Variants in CNTNAP5 observed in about 807,000 individuals in gnomAD.
CNTNAP5 encodes the protein contactin-associated protein-like 5.
Under a neutral mutation model 150.2 loss-of-function variants are expected in CNTNAP5, and 72 were observed. The ratio of observed to expected loss-of-function variants is 0.48; its 90% confidence interval spans 0.40 to 0.58. The LOEUF (loss-of-function observed/expected upper bound fraction) is 0.58, where lower values mean the gene tolerates loss of function less well. Ranked by LOEUF, CNTNAP5 falls within the 20% of genes least tolerant of loss-of-function variation. The pLI is 0.00. For synonymous variants in CNTNAP5, 672 were observed against 619.8 expected (o/e 1.08, Z -1.25); for missense variants, 1,636 against 1,626.2 (o/e 1.01, Z -0.10).
intron 5 of CNTNAP5, among the ~76,000 whole-genome samples, chr2:124,443,720 T>G (rs1692733125): frequency 6.6e-6 from 1 of 152,006 alleles, no homozygotes; most frequent in South Asian, 2.1e-4. Flanking sequence ...ATCATTGTTA[T>G]TATTGGCTCT....
chr2:124,823,816 G>A (rs1682537507), intron 19 of CNTNAP5, among the ~76,000 whole-genome samples: 4 of 152,144 alleles, frequency 2.6e-5, no homozygotes, highest in Admixed American at 2.6e-4. Context: ...CTGCTGCCAA[G>A]TAGGTATCTG....
intron 19 of CNTNAP5, among the ~76,000 whole-genome samples, chr2:124,835,961 C>T (rs1300804074): frequency 6.6e-6 from 1 of 152,000 alleles, no homozygotes; most frequent in East Asian, 1.9e-4. Flanking sequence ...ATTGCCTGTT[C>T]CAGTCTTTTA....
intron 3 of CNTNAP5, among the ~76,000 whole-genome samples, chr2:124,281,101 A>G (rs55827125): frequency 6.6e-6 from 1 of 152,146 alleles, no homozygotes; most frequent in Non-Finnish European, 1.5e-5. Flanking sequence ...GTAACACTCC[A>G]GCAATGAGGG....
chr2:124,215,191 T>G (rs1208320891), intron 1 of CNTNAP5, among the ~76,000 whole-genome samples: 2 of 152,132 alleles, frequency 1.3e-5, no homozygotes, highest in Admixed American at 6.6e-5. Context: ...TAAGAGGAAT[T>G]TTATCTCACC....
chr2:124,079,072 T>C (rs1279426007), intron 1 of CNTNAP5, among the ~76,000 whole-genome samples: 1 of 152,182 alleles, frequency 6.6e-6, no homozygotes, highest in African/African-American at 2.4e-5. Flanking sequence ...GAAACAGGAC[T>C]GTCAGGGTGA....
At chr2:124,528,141 A>T (rs1331903686) in intron 10 of CNTNAP5, among the ~76,000 whole-genome samples, 2 of 152,142 alleles carry the variant, frequency 1.3e-5, no homozygotes, top group Non-Finnish European at 2.9e-5. Flanking sequence ...TCATTCTTCC[A>T]GTTCTGCTCA....
chr2:124,713,307 T>TC (rs1558746868), intron 13 of CNTNAP5, among the ~76,000 whole-genome samples: 72 of 95,804 alleles, frequency 7.5e-4, no homozygotes, highest in Admixed American at 1.5e-3. Context: ...CTTTCTTCTT[T>TC]CTCTTTCTTT....
rs1573405334 is a variant in CNTNAP5 at position 124,484,729 on chromosome 2, A to AACAC, written c.1062+9847_1062+9848insACAC. 5.9e-5 allele frequency among the ~76,000 whole-genome samples: 9 copies of AACAC among 152,290 alleles called. No homozygotes were observed. The East Asian group carries it at 1.7e-3, about 29-fold the overall frequency. On this transcript the variant is annotated intron_variant, in intron 7 of 23. Transcript: ENST00000682447. ...AGAAGTACAACACTAAAGGTTATAG[A>AACAC]TCAGTGATTATTAGTATTTTATAGG...
intron 8 of CNTNAP5, among the ~76,000 whole-genome samples, chr2:124,510,301 C>CTATATATATATATCTATATCTA (rs368230554): frequency 1.9e-5 from 2 of 106,056 alleles, no homozygotes; most frequent in African/African-American, 7.6e-5. Flanking sequence ...ATCTATATAT[C>CTATATATATATATCTATATCTA]TATATATATA....
At chr2:124,086,105 C>G (rs934591083) in intron 1 of CNTNAP5, among the ~76,000 whole-genome samples, 1 of 151,630 alleles carries the variant, frequency 6.6e-6, no homozygotes, top group African/African-American at 2.4e-5. Flanking sequence ...GTCTATTTCT[C>G]CTTTCAGTTC....
chr2:124,869,375 C>T (rs952785637), intron 20 of CNTNAP5, among the ~76,000 whole-genome samples: 7 of 152,108 alleles, frequency 4.6e-5, no homozygotes, highest in Non-Finnish European at 1.0e-4. Context: ...TGCTTGTTTG[C>T]AGCAAAGAAT....
At chr2:124,041,242 C>CT (rs1385690847) in intron 1 of CNTNAP5, among the ~76,000 whole-genome samples, 1 of 152,210 alleles carries the variant, frequency 6.6e-6, no homozygotes, top group African/African-American at 2.4e-5. Flanking sequence ...TCTATGTCTT[C>CT]TGCATAAATA....
chr2:124,359,691 C>A (rs1245541654), intron 3 of CNTNAP5, among the ~76,000 whole-genome samples: 1 of 110,000 alleles, frequency 9.1e-6, no homozygotes, highest in African/African-American at 3.8e-5. Context: ...AATCTCTGTT[C>A]TTTTACATTT....
At chr2:124,616,561 G>A (rs2104991380) in intron 12 of CNTNAP5, among the ~76,000 whole-genome samples, 1 of 152,290 alleles carries the variant, frequency 6.6e-6, no homozygotes, top group Non-Finnish European at 1.5e-5. Context: ...TCATTCACAT[G>A]TTCACTGAAG....
intron 1 of CNTNAP5, 63 bp downstream of exon 1, chr2:124,025,795 T>A: frequency 7.7e-7 from 1 of 1,298,470 alleles, no homozygotes; most frequent in South Asian, 1.2e-5. Context: ...AGAAAGACAA[T>A]CAACTATCTA....
intron 6 of CNTNAP5, among the ~76,000 whole-genome samples, chr2:124,452,288 C>A (rs1693002329): frequency 6.6e-6 from 1 of 152,002 alleles, no homozygotes; most frequent in Admixed American, 6.5e-5. Context: ...ACTTCCCTGA[C>A]AACCTGCATG....
chr2:124,243,722 T>C (rs1034197206), intron 3 of CNTNAP5, among the ~76,000 whole-genome samples: 1 of 152,060 alleles, frequency 6.6e-6, no homozygotes, highest in African/African-American at 2.4e-5. Flanking sequence ...GTTCAAAACC[T>C]GGGTGATGAA....
At chr2:124,094,121 G>A (rs1439994331) in intron 1 of CNTNAP5, among the ~76,000 whole-genome samples, 1 of 152,224 alleles carries the variant, frequency 6.6e-6, no homozygotes, top group Non-Finnish European at 1.5e-5. Flanking sequence ...ATCAAAGAAT[G>A]TTGGTGTGTG....
chr2:124,296,040 T>C lies in CNTNAP5; in HGVS notation c.381+53647T>C, dbSNP rs74803541. ...TCCTAAAACCTATTATGTACATTTA[T>C]ATAGTACCTTTCCCTTCTATTCATA... On this transcript the variant is annotated intron_variant, in intron 3 of 23. Coordinates refer to ENST00000682447, the MANE Select transcript of CNTNAP5 (RefSeq NM_001367498.1). 4.0e-3 allele frequency among the ~76,000 whole-genome samples: 615 copies of C among 152,362 alleles called. 4 individuals carry two copies. Among genetic ancestry groups the C allele is most frequent in the African/African-American group, 0.014 (573 of 41,588 alleles).
Sources: allele counts gnomAD v4.1 joint callset (sites outside exome capture counted in the v4.1 genomes callset), GRCh38; gene constraint gnomAD v4.1.1; transcripts MANE v1.5; gene names NCBI Gene and HGNC (gene_info 2026-07-23, HGNC 2026-07-21).